The following KCNH8 variants were observed in gnomAD, a reference collection of about 807,000 sequenced individuals.
KCNH8 encodes the protein potassium voltage-gated channel subfamily H member 8.
Under a neutral mutation model 103.6 loss-of-function variants are expected in KCNH8, and 70 were observed. That is an observed-to-expected ratio of 0.68 (90% CI 0.56 to 0.82). KCNH8 has a LOEUF of 0.82. Ranked by LOEUF, KCNH8 falls within the 40% of genes least tolerant of loss-of-function variation. The probability of loss-of-function intolerance (pLI) is 0.00; values close to 1 mark genes in which losing one functional copy is unlikely to be tolerated. For missense variants in KCNH8, 1,217 were observed against 1,329.9 expected (o/e 0.92, Z 1.32); for synonymous variants, 498 against 489.4 (o/e 1.02, Z -0.23).
intron 8 of KCNH8, among the ~76,000 whole-genome samples, chr3:19,442,115 T>G (rs2067293064): frequency 6.6e-6 from 1 of 152,216 alleles, no homozygotes; most frequent in Non-Finnish European, 1.5e-5. Flanking sequence ...TTGGCTGATG[T>G]AGAGCAGTGA....
At chr3:19,343,985 ATT>A (rs67333323) in intron 4 of KCNH8, among the ~76,000 whole-genome samples, 2 of 145,036 alleles carry the variant, frequency 1.4e-5, no homozygotes. Context: ...TCACGCTTTG[ATT>A]TTTTTTTTTT....
intron 15 of KCNH8, among the ~76,000 whole-genome samples, chr3:19,527,044 T>C (rs2069077576): frequency 1.3e-5 from 2 of 151,946 alleles, no homozygotes; most frequent in South Asian, 4.1e-4. Context: ...TGCACATCCC[T>C]ACATTTTGGC....
At chr3:19,451,818 A>G (rs2067452347) in intron 10 of KCNH8, among the ~76,000 whole-genome samples, 1 of 152,172 alleles carries the variant, frequency 6.6e-6, no homozygotes. Flanking sequence ...ATTAAATTGT[A>G]CCTGTACTAG....
rs576928297 is a variant in KCNH8, at chr3:19,278,518, G to A, written c.311-2680G>A. ...TGAGGAAGGGAGGGAGGGAGGGAAG[G>A]AACAAAGGAAGGAGGGAAATAAGGG... On this transcript the variant is annotated intron_variant, in intron 2 of 15. Transcript: ENST00000328405. 2.8e-5 allele frequency among the ~76,000 whole-genome samples: 3 copies of A among 105,834 alleles called. No homozygotes were observed. The South Asian group carries it at 1.2e-3, about 41-fold the overall frequency. 69.4% of individuals were successfully genotyped at this position (105,834 alleles called of 152,430 possible).
chr3:19,473,775 T>C (rs912383618), intron 11 of KCNH8, among the ~76,000 whole-genome samples: 2 of 152,196 alleles, frequency 1.3e-5, no homozygotes, highest in Non-Finnish European at 2.9e-5. Context: ...CACAAACTGA[T>C]GCACACACAT....
chr3:19,314,312 A>T (rs1276258167), intron 3 of KCNH8, among the ~76,000 whole-genome samples: 2 of 151,890 alleles, frequency 1.3e-5, no homozygotes, highest in Non-Finnish European at 2.9e-5. Flanking sequence ...GAAGCCCAGC[A>T]CTGTAATCTC....
chr3:19,162,339 C>T (rs2063241626), intron 1 of KCNH8, among the ~76,000 whole-genome samples: 1 of 149,186 alleles, frequency 6.7e-6, no homozygotes, highest in Non-Finnish European at 1.5e-5. Context: ...TGGTGAAAAC[C>T]CATCTGTAAC....
chr3:19,347,460 T>G (rs183074117), intron 4 of KCNH8, among the ~76,000 whole-genome samples: 1 of 152,166 alleles, frequency 6.6e-6, no homozygotes, highest in East Asian at 1.9e-4. Flanking sequence ...TAGGTAATGG[T>G]CTTTTTTATT....
Position 19,510,380 on chromosome 3 carries a change from A to C in KCNH8, c.2058A>C (p.Ser686=). ...GHESDVISRL[S]NKSMVSQSEP... is the part of the protein sequence containing the mutation. ...TCTTTCAGGTGATATCAAGACTATC[A>C]AACAAATCTATGGTCTCACAGGTAT... Residue 686 remains serine (S), a synonymous_variant, in exon 12 of 16, where the codon TCA becomes TCC. Coordinates refer to ENST00000328405, the MANE Select transcript of KCNH8 (RefSeq NM_144633.3). The C allele has an allele frequency of 6.3e-7, 1 of 1,583,836 alleles. No homozygotes were observed. Among genetic ancestry groups the C allele is most frequent in the East Asian group, 2.2e-5 (1 of 44,696 alleles).
chr3:19,236,457 A>G lies in KCNH8; in HGVS notation c.77-17197A>G, dbSNP rs1314359998. ...AAGGACTCCAGTGTCTTTCACGGGG[A>G]GGGAAGTAAGAAGGAAAACCCTGGT... On this transcript the variant is annotated intron_variant, in intron 1 of 15. Coordinates refer to ENST00000328405, the MANE Select transcript of KCNH8 (RefSeq NM_144633.3). Among the ~76,000 whole-genome samples the G allele has an allele frequency of 3.3e-5, 5 of 152,200 alleles. No homozygotes were observed. The East Asian group carries it at 9.6e-4, about 29-fold the overall frequency.
At chr3:19,486,424 C>A (rs2068210870) in intron 11 of KCNH8, among the ~76,000 whole-genome samples, 1 of 152,204 alleles carries the variant, frequency 6.6e-6, no homozygotes, top group African/African-American at 2.4e-5. Context: ...TCAGCTTTTG[C>A]CCAAGGGTTA....
chr3:19,448,745 AC>A (rs1313190778), intron 8 of KCNH8, among the ~76,000 whole-genome samples: 3 of 152,094 alleles, frequency 2.0e-5, no homozygotes, highest in African/African-American at 7.2e-5. Context: ...TAGACAAGCT[AC>A]TAAATGTTTA....
chr3:19,458,819 A>C (rs2067575027), intron 11 of KCNH8, among the ~76,000 whole-genome samples: 1 of 151,968 alleles, frequency 6.6e-6, no homozygotes, highest in Admixed American at 6.6e-5. Context: ...AAGGTATTTT[A>C]GATTCAGTAT....
chr3:19,198,740 A>G (rs2063627203), intron 1 of KCNH8, among the ~76,000 whole-genome samples: 2 of 152,088 alleles, frequency 1.3e-5, no homozygotes, highest in Non-Finnish European at 2.9e-5. Flanking sequence ...GATGTTTTCA[A>G]ATTTTTCTTA....
intron 2 of KCNH8, among the ~76,000 whole-genome samples, chr3:19,274,084 A>T (rs1323678730): frequency 6.6e-6 from 1 of 152,168 alleles, no homozygotes; most frequent in Non-Finnish European, 1.5e-5. Context: ...AACATTGTCC[A>T]TAGAAGAGGA....
intron 3 of KCNH8, among the ~76,000 whole-genome samples, chr3:19,301,342 A>C (rs1247205177): frequency 1.3e-5 from 2 of 148,632 alleles, no homozygotes; most frequent in African/African-American, 2.4e-5. Context: ...AAATACAAAT[A>C]TATATAATAT....
chr3:19,277,897 G>C lies in KCNH8; in HGVS notation c.311-3301G>C, dbSNP rs2064697590. Among the ~76,000 whole-genome samples the C allele has an allele frequency of 3.3e-5, 5 of 152,228 alleles. No homozygotes were observed. In the South Asian group the frequency reaches 1.0e-3, roughly 32 times the overall value. ...TAATTACTGCTGCTATATAAAGAAG[G>C]AGTTAAAATTCTCATGAAATGTCTG... On this transcript the variant is annotated intron_variant, in intron 2 of 15. Transcript: ENST00000328405.
chr3:19,253,678 C>G lies in KCNH8; in HGVS notation c.101C>G (p.Ala34Gly), dbSNP rs770724667. The G allele has an allele frequency of 3.7e-6, 6 of 1,613,168 alleles. No individual in the cohort carries two copies. The highest frequency in any genetic ancestry group is 5.1e-6 in the Non-Finnish European group (6 of 1,179,702). The change falls in exon 2 of 16, where the codon GCC (alanine) becomes GGC (glycine). Residue 34 changes from alanine to glycine, a missense_variant. Physicochemically the swap from Ala to Gly is moderately conservative, Grantham distance 60. Around this residue, in one of 3 missense-constraint regions of KCNH8, gnomAD observed 244 missense variants for 256.8 expected, o/e 0.95. Coordinates refer to ENST00000328405, the MANE Select transcript of KCNH8 (RefSeq NM_144633.3). ...GATAGCAACTTCATCCTTGCCAATG[C>G]CCAGGTGGCTAAGGGTTTCCCCATA... ...GTHSNFILAN[A>G]QVAKGFPIVY...
chr3:19,312,607 T>G (rs2065221230), intron 3 of KCNH8, among the ~76,000 whole-genome samples: 1 of 151,944 alleles, frequency 6.6e-6, no homozygotes, highest in South Asian at 2.1e-4. Context: ...AATCACAGCT[T>G]CTCGTCATGT....
Sources: allele counts gnomAD v4.1 joint callset (sites outside exome capture counted in the v4.1 genomes callset), GRCh38; gene constraint gnomAD v4.1.1; regional missense constraint gnomAD v4.1.1; transcripts MANE v1.5; gene names NCBI Gene and HGNC (gene_info 2026-07-23, HGNC 2026-07-21).